The following CFAP97 variants were observed in gnomAD, a reference collection of about 807,000 sequenced individuals.
The protein encoded by CFAP97 is cilia- and flagella-associated protein 97.
CFAP97 carries 36 observed loss-of-function variants against 43.1 expected under a neutral mutation model. That is an observed-to-expected ratio of 0.84 (90% CI 0.64 to 1.10). The LOEUF is 1.10. Ranked by LOEUF, CFAP97 falls within the 50% of genes least tolerant of loss-of-function variation. The pLI is 0.00. For synonymous variants in CFAP97, 228 were observed against 225.7 expected, an observed-to-expected ratio of 1.01 and a Z score of -0.09; for missense variants, 657 against 620.3, an observed-to-expected ratio of 1.06 and a Z score of -0.63.
At position 185,175,829 on chromosome 4, in the gene CFAP97, A is replaced by G. The variant is rs1055324233; in HGVS notation, c.1277T>C (p.Leu426Pro). The G allele has an allele frequency of 6.2e-7, 1 of 1,613,904 alleles. No individual in the cohort carries two copies. Among genetic ancestry groups the G allele is most frequent in the South Asian group, 1.1e-5 (1 of 91,068 alleles). ...DHPPKLYHSA[L>P]NRQKEQQRIE... ...CCTTTGTTGTTCCTTCTGTCTGTTG[A>G]GAGCACTGTGATATAACTTTGGGGG... The change falls in exon 3 of 5, where the codon CTC (leucine) becomes CCC (proline). Residue 426 changes from leucine to proline, a missense_variant. Transcript: ENST00000458385.
intron 1 of CFAP97, among the ~76,000 whole-genome samples, chr4:185,192,890 GC>G (rs1553973911): frequency 1.3e-5 from 2 of 151,858 alleles, no homozygotes; most frequent in Non-Finnish European, 2.9e-5. Flanking sequence ...ACAGGCGCCC[GC>G]CACCACGCCC....
In CFAP97 at chr4:185,160,897, AT is replaced by A. The variant is rs199752213; in HGVS notation, c.*1900del. On this transcript the variant is annotated 3_prime_UTR_variant, in exon 5 of 5. Coordinates refer to ENST00000458385, the MANE Select transcript of CFAP97 (RefSeq NM_020827.3). ...TTTTAAAATAAAATTTATAAAAAAG[AT>A]TTTTTATATATATAAAAAGATTATA... is the stretch of plus-strand genomic sequence containing the variant. 158 of 146,910 alleles carry A rather than the reference AT, an allele frequency of 1.1e-3. 2 individuals are homozygous for A. Among genetic ancestry groups the A allele is most frequent in the African/African-American group, 3.8e-3 (154 of 40,848 alleles). The allele number at this position is 146,910 out of a possible 1,614,324, so 9.1% of individuals were successfully genotyped here. A position where few individuals can be genotyped will look rare whatever the true frequency, so the allele number is the denominator to read the frequency against.
intron 1 of CFAP97, among the ~76,000 whole-genome samples, chr4:185,192,708 C>CCTT (rs577871637): frequency 6.7e-6 from 1 of 148,754 alleles, no homozygotes; most frequent in East Asian, 2.0e-4. Flanking sequence ...TGACCTTTGA[C>CCTT]CTTCTTAAGA....
intron 2 of CFAP97, 49 bp downstream of exon 2, chr4:185,190,094 C>A: frequency 7.3e-7 from 1 of 1,364,404 alleles, no homozygotes; most frequent in Non-Finnish European, 9.9e-7. Flanking sequence ...ATATTTATGC[C>A]CAATATATAA....
chr4:185,182,271 T>C (rs1476724059), intron 2 of CFAP97: 2 of 152,010 alleles, frequency 1.3e-5, no homozygotes, highest in Non-Finnish European at 2.9e-5. Context: ...TACTACTCCA[T>C]TTTTTTAATG....
At chr4:185,200,834 A>C (rs1473394932) in intron 1 of CFAP97, among the ~76,000 whole-genome samples, 1 of 152,214 alleles carries the variant, frequency 6.6e-6, no homozygotes, top group African/African-American at 2.4e-5. Flanking sequence ...GAATTGCTGC[A>C]ATCTCACAAT....
At chr4:185,178,390 G>A (rs1162433609) in intron 2 of CFAP97, among the ~76,000 whole-genome samples, 2 of 151,750 alleles carry the variant, frequency 1.3e-5, no homozygotes, top group African/African-American at 4.8e-5. Flanking sequence ...TGGGATTACA[G>A]GCGCCCACTA....
Position 185,161,375 on chromosome 4 carries a change from G to A in CFAP97, c.*1423C>T, listed in dbSNP as rs1579222137. 6.6e-6 allele frequency: 1 copy of A among 152,128 alleles called. No homozygotes were observed. The allele number at this position is 152,128 out of a possible 1,614,324, so 9.4% of individuals were successfully genotyped here. A position where few individuals can be genotyped will look rare whatever the true frequency, so the allele number is the denominator to read the frequency against. ...ATGCAGTAACACCTTACTGTTAAAG[G>A]TGCTAAGGAAAAAAGCATTCAGCAT... On this transcript the variant is annotated 3_prime_UTR_variant, in exon 5 of 5. Transcript: ENST00000458385.
Position 185,175,765 on chromosome 4 carries a change from CTAAT to C in CFAP97, c.1320+17_1320+20del. On this transcript the variant is annotated intron_variant, in intron 3 of 4. Coordinates refer to ENST00000458385, the MANE Select transcript of CFAP97 (RefSeq NM_020827.3). ...AGTGCAAACACATTTTCTTTGATGACTAATTATTTCAGTTACTTACCAAGTTTTC... is the reference window on the plus strand; with the variant it reads ...AGTGCAAACACATTTTCTTTGATGACTATTTCAGTTACTTACCAAGTTTTC... The C allele has an allele frequency of 6.2e-7, 1 of 1,603,932 alleles. No homozygotes were observed. The highest frequency in any genetic ancestry group is 8.5e-7 in the Non-Finnish European group (1 of 1,173,644).
chr4:185,199,697 G>A (rs957724291), intron 1 of CFAP97, among the ~76,000 whole-genome samples: 2 of 152,042 alleles, frequency 1.3e-5, no homozygotes, highest in African/African-American at 4.8e-5. Flanking sequence ...AAAATCTTAA[G>A]GGCCTTAAGA....
chr4:185,182,929 G>A (rs1393551105), intron 2 of CFAP97, among the ~76,000 whole-genome samples: 3 of 151,292 alleles, frequency 2.0e-5, no homozygotes, highest in East Asian at 1.9e-4. Flanking sequence ...GTGAAACCCC[G>A]TCTCTACTAA....
chr4:185,191,001 CAGTA>C lies in CFAP97; in HGVS notation c.192_195del (p.Thr65ArgfsTer8). On this transcript the variant is annotated frameshift_variant, in exon 2 of 5. Transcript: ENST00000458385. LOFTEE classifies it high-confidence loss of function. ...TTCACGTTTCTTTCATTTCCCTTCTCAGTAAGATAATTTTCTGTTGTTTGCATTC... is the reference window on the plus strand; with the variant it reads ...TTCACGTTTCTTTCATTTCCCTTCTCAGATAATTTTCTGTTGTTTGCATTC... 3 of 1,613,594 alleles carry C rather than the reference CAGTA, an allele frequency of 1.9e-6. No homozygotes were observed. Among genetic ancestry groups the C allele is most frequent in the Non-Finnish European group, 2.5e-6 (3 of 1,179,670 alleles).
chr4:185,171,075 G>A (rs976466034), intron 3 of CFAP97, among the ~76,000 whole-genome samples: 2 of 147,278 alleles, frequency 1.4e-5, no homozygotes, highest in African/African-American at 5.0e-5. Context: ...ATTCTAACAC[G>A]AGAACTCCTA....
Position 185,168,676 on chromosome 4 carries a change from C to T in CFAP97, c.1321-4497G>A, listed in dbSNP as rs980913425. On this transcript the variant is annotated intron_variant, in intron 3 of 4. Transcript: ENST00000458385. ...TTGGGAGGCTGAGGCGGGCAGATCA[C>T]GAGGTCAGGAGTTCGAGACCAGCCT... is the stretch of plus-strand genomic sequence containing the variant. Among the ~76,000 whole-genome samples, 10 of 149,858 alleles carry T rather than the reference C, an allele frequency of 6.7e-5. 1 individual carries two copies. The South Asian group carries it at 2.1e-3, about 32-fold the overall frequency.
chr4:185,169,829 T>G (rs1320902755), intron 3 of CFAP97: 6 of 985,412 alleles, frequency 6.1e-6, no homozygotes, highest in Non-Finnish European at 7.2e-6. Context: ...GGAGTCACAC[T>G]GAGTTATCAT....
intron 2 of CFAP97, among the ~76,000 whole-genome samples, chr4:185,184,065 C>T (rs1057261468): frequency 6.6e-6 from 1 of 152,094 alleles, no homozygotes; most frequent in African/African-American, 2.4e-5. Context: ...GTGAAGAATG[C>T]TTTATTTTCA....
chr4:185,176,130 T>C (rs8180220), intron 2 of CFAP97, 79 bp from the exon 3 acceptor site: 2 of 1,166,134 alleles, frequency 1.7e-6, no homozygotes, highest in Non-Finnish European at 2.3e-6. Context: ...TTTCTCTTTT[T>C]AGACGGAGTT....
At chr4:185,185,875 A>C (rs1436946182) in intron 2 of CFAP97, among the ~76,000 whole-genome samples, 1 of 151,964 alleles carries the variant, frequency 6.6e-6, no homozygotes, top group Admixed American at 6.6e-5. Context: ...CCTGGGCTCA[A>C]GTGATCTGCC....
rs772372682 is a variant in CFAP97, at chr4:185,191,105, GAGTT to G, written c.88_91del (p.Asn30GlnfsTer14). 17 of 1,612,042 alleles carry G rather than the reference GAGTT, an allele frequency of 1.1e-5. No homozygotes were observed. Among genetic ancestry groups the G allele is most frequent in the East Asian group, 4.5e-5 (2 of 44,828 alleles). On this transcript the variant is annotated frameshift_variant, in exon 2 of 5. Coordinates refer to ENST00000458385, the MANE Select transcript of CFAP97 (RefSeq NM_020827.3). LOFTEE classifies it high-confidence loss of function. Reference sequence around the variant, plus strand: ...GTCATCATTTTGCTTGTCAAAAACTGAGTTAGTTTCACATTTCTTTCCTTCTTCA... The same window carrying G: ...GTCATCATTTTGCTTGTCAAAAACTGAGTTTCACATTTCTTTCCTTCTTCA...
Sources: allele counts gnomAD v4.1 joint callset (sites outside exome capture counted in the v4.1 genomes callset), GRCh38; gene constraint gnomAD v4.1.1; transcripts MANE v1.5; gene names NCBI Gene and HGNC (gene_info 2026-07-23, HGNC 2026-07-21).